Variants in ZMAT4 observed in about 807,000 individuals in gnomAD.
ZMAT4 encodes zinc finger matrin-type protein 4.
In ZMAT4, 17 loss-of-function variants were observed where a neutral mutation model predicts 28.7. The ratio of observed to expected loss-of-function variants is 0.59; its 90% CI spans 0.41 to 0.89. ZMAT4 has a LOEUF of 0.89. Ranked by LOEUF, ZMAT4 falls within the 40% of genes least tolerant of loss-of-function variation. ZMAT4 has a pLI of 0.00. For synonymous variants in ZMAT4, 117 were observed against 109.2 expected (o/e 1.07, Z -0.44); for missense variants, 240 against 283.8 (o/e 0.85, Z 1.11).
chr8:40,658,444 G>A (rs140774301), intron 5 of ZMAT4, among the ~76,000 whole-genome samples: 23 of 152,180 alleles, frequency 1.5e-4, no homozygotes, highest in African/African-American at 3.4e-4. Flanking sequence ...CCCCTGTGAT[G>A]TGTGTGTGGT....
rs554883756 is a variant in ZMAT4, at chr8:40,668,070, A to G, written c.577+6634T>C. Among the ~76,000 whole-genome samples the G allele has an allele frequency of 7.9e-5, 12 of 152,288 alleles. No homozygotes were observed. In the East Asian group the frequency reaches 2.3e-3, roughly 29 times the overall value. On this transcript the variant is annotated intron_variant, in intron 5 of 6. Transcript: ENST00000297737. ...ACTTAAAGCAAAAGGAAGGTGAAGG[A>G]TCTAAAGCTGTAGAAGTTAATGCCA...
At chr8:40,545,816 C>T (rs538339545) in intron 6 of ZMAT4, among the ~76,000 whole-genome samples, 3 of 151,290 alleles carry the variant, frequency 2.0e-5, no homozygotes, top group South Asian at 4.2e-4. Flanking sequence ...TTTGTTATGG[C>T]AGCCCTAGGA....
At chr8:40,862,549 A>G (rs1817532959) in intron 1 of ZMAT4, among the ~76,000 whole-genome samples, 1 of 142,856 alleles carries the variant, frequency 7.0e-6, no homozygotes, top group East Asian at 2.1e-4. Flanking sequence ...GTGCACATGT[A>G]CCCTAAAACT....
chr8:40,887,170 C>CA (rs35466634), intron 1 of ZMAT4, among the ~76,000 whole-genome samples: 21,550 of 61,666 alleles, frequency 0.35, 3,285 homozygotes, highest in East Asian at 0.45. Flanking sequence ...GACTCCGTCT[C>CA]AAAAAAAAAA....
intron 5 of ZMAT4, among the ~76,000 whole-genome samples, chr8:40,641,189 T>TAAAATAATCTATCTGTG (rs1173393243): frequency 1.3e-5 from 2 of 152,136 alleles, no homozygotes; most frequent in Non-Finnish European, 2.9e-5. Context: ...AGGCAGCAGA[T>TAAAATAATCTATCTGTG]AAAATAATCT....
chr8:40,590,447 T>A (rs1804851236), intron 5 of ZMAT4, among the ~76,000 whole-genome samples: 1 of 152,138 alleles, frequency 6.6e-6, no homozygotes, highest in South Asian at 2.1e-4. Context: ...TTGAGAGTTA[T>A]CATCTCCCCT....
At chr8:40,771,920 T>C (rs1395900946) in intron 2 of ZMAT4, among the ~76,000 whole-genome samples, 1 of 152,190 alleles carries the variant, frequency 6.6e-6, no homozygotes, top group African/African-American at 2.4e-5. Flanking sequence ...TTTCCACTGC[T>C]TTTAAGAGTC....
At chr8:40,603,921 A>G (rs550450207) in intron 5 of ZMAT4, among the ~76,000 whole-genome samples, 2 of 152,180 alleles carry the variant, frequency 1.3e-5, no homozygotes, top group East Asian at 3.9e-4. Context: ...TTCCTTGTAG[A>G]TGTCTTTCAT....
Position 40,862,336 on chromosome 8 carries a change from C to T in ZMAT4, c.-5+35347G>A, listed in dbSNP as rs181054876. On this transcript the variant is annotated intron_variant, in intron 1 of 6. Coordinates refer to ENST00000297737, the MANE Select transcript of ZMAT4 (RefSeq NM_024645.3). ...ATCGCAAGGACAAAAAACCAAACAC[C>T]GCATATTCTCACTCATAGGTGGGAA... Among the ~76,000 whole-genome samples, 921 of 146,138 alleles carry T rather than the reference C, an allele frequency of 6.3e-3. 20 individuals carry two copies. The highest frequency in any genetic ancestry group is 0.053 in the South Asian group (244 of 4,594).
At chr8:40,658,212 A>T (rs1193157199) in intron 5 of ZMAT4, among the ~76,000 whole-genome samples, 1 of 152,050 alleles carries the variant, frequency 6.6e-6, no homozygotes, top group East Asian at 1.9e-4. Flanking sequence ...AAATCCTCGC[A>T]TTCTATTAGC....
intron 5 of ZMAT4, among the ~76,000 whole-genome samples, chr8:40,639,576 C>G (rs1275611821): frequency 6.6e-6 from 1 of 151,766 alleles, no homozygotes; most frequent in African/African-American, 2.4e-5. Context: ...AATAACTTTT[C>G]TACAAAAAAT....
At chr8:40,638,390 T>C (rs1034688962) in intron 5 of ZMAT4, among the ~76,000 whole-genome samples, 1 of 152,250 alleles carries the variant, frequency 6.6e-6, no homozygotes, top group African/African-American at 2.4e-5. Context: ...ATCTTACATT[T>C]GTCTTTAATT....
intron 1 of ZMAT4, among the ~76,000 whole-genome samples, chr8:40,873,956 A>G (rs1178009694): frequency 6.6e-6 from 1 of 152,188 alleles, no homozygotes; most frequent in Non-Finnish European, 1.5e-5. Flanking sequence ...AACTCTCACC[A>G]CAATCCTACT....
At position 40,788,964 on chromosome 8, in the gene ZMAT4, AGAGGAAGGGAGGGAGGGAGG is replaced by A. The variant is rs576019615; in HGVS notation, c.103-21254_103-21235del. On this transcript the variant is annotated intron_variant, in intron 2 of 6. Coordinates refer to ENST00000297737, the MANE Select transcript of ZMAT4 (RefSeq NM_024645.3). ...ATTTATCATACCTACAGAAAGAGAG[AGAGGAAGGGAGGGAGGGAGG>A]GAGGAAGGGAGGGAGGGAGGAAGGA... is the stretch of plus-strand genomic sequence containing the variant. Among the ~76,000 whole-genome samples, 1,061 of 138,948 alleles carry A rather than the reference AGAGGAAGGGAGGGAGGGAGG, an allele frequency of 7.6e-3. 18 individuals are homozygous for A. The highest frequency in any genetic ancestry group is 0.026 in the African/African-American group (1,013 of 38,440). The allele number at this position is 138,948 out of a possible 152,430, so 91.2% of individuals were successfully genotyped here. A position where few individuals can be genotyped will look rare whatever the true frequency, so the allele number is the denominator to read the frequency against.
intron 3 of ZMAT4, among the ~76,000 whole-genome samples, chr8:40,721,360 T>G (rs112483275): frequency 0.35 from 40,733 of 115,980 alleles, 7,719 homozygotes; most frequent in Middle Eastern, 0.44. Flanking sequence ...TGCCACATTT[T>G]CTTAATCCAG....
At chr8:40,880,381 A>AG (rs1212175075) in intron 1 of ZMAT4, among the ~76,000 whole-genome samples, 4 of 152,078 alleles carry the variant, frequency 2.6e-5, no homozygotes, top group Admixed American at 2.6e-4. Flanking sequence ...AAAAAAAAAA[A>AG]AAAGTACAGA....
At position 40,777,278 on chromosome 8, in the gene ZMAT4, G is replaced by T. The variant is rs1039765879; in HGVS notation, c.103-9548C>A. ...AAAATCCACACTATGTTTTGGGAAG[G>T]TTGCCGTGCAGCACACACCTGGCTG... On this transcript the variant is annotated intron_variant, in intron 2 of 6. Transcript: ENST00000297737. 2.2e-4 allele frequency among the ~76,000 whole-genome samples: 34 copies of T among 152,162 alleles called. 2 individuals carry two copies. Among genetic ancestry groups the T allele is most frequent in the Admixed American group, 2.1e-3 (32 of 15,276 alleles).
Position 40,697,729 on chromosome 8 carries a change from G to A in ZMAT4, c.193-328C>T, listed in dbSNP as rs190062718. Among the ~76,000 whole-genome samples the A allele has an allele frequency of 8.8e-3, 794 of 89,962 alleles. 2 individuals carry two copies. Among genetic ancestry groups the A allele is most frequent in the African/African-American group, 0.032 (717 of 22,512 alleles). 59.0% of individuals were successfully genotyped at this position (89,962 alleles called of 152,430 possible). A position where few individuals can be genotyped will look rare whatever the true frequency, so the allele number is the denominator to read the frequency against. On this transcript the variant is annotated intron_variant, in intron 3 of 6. Transcript: ENST00000297737. Reference sequence around the variant, plus strand: ...CCCCTAGCCCCCCCACCCCCTGACCGGCCCCGGTGCAATCTCTTTTTCTTC... The same window carrying A: ...CCCCTAGCCCCCCCACCCCCTGACCAGCCCCGGTGCAATCTCTTTTTCTTC...
At chr8:40,804,954 A>G (rs1438762400) in intron 2 of ZMAT4, among the ~76,000 whole-genome samples, 1 of 152,048 alleles carries the variant, frequency 6.6e-6, no homozygotes, top group Non-Finnish European at 1.5e-5. Flanking sequence ...GTAAGCAAAA[A>G]AAAAAAATTC....
Sources: gnomAD v4.1 joint callset for allele counts (sites outside exome capture counted in the v4.1 genomes callset) on GRCh38, gnomAD v4.1.1 for gene constraint, MANE v1.5 for transcripts, NCBI Gene and HGNC (gene_info 2026-07-23, HGNC 2026-07-21) for gene names.